The following ZNF543 variants were observed in gnomAD, a reference collection of about 807,000 sequenced individuals.
ZNF543 encodes the protein zinc finger protein 543.
Under a neutral mutation model 13.4 loss-of-function variants are expected in ZNF543, and 10 were observed. The observed-to-expected ratio is 0.75, with a 90% CI of 0.46 to 1.26. The LOEUF (loss-of-function observed/expected upper bound fraction) is 1.26, where lower values mean the gene tolerates loss of function less well. Ranked by LOEUF, ZNF543 falls within the 50% of genes most tolerant of loss-of-function variation. The pLI is 0.00. For missense variants in ZNF543, 768 were observed against 741.2 expected (o/e 1.04, Z -0.42); for synonymous variants, 272 against 264.7 (o/e 1.03, Z -0.27).
intron 2 of ZNF543, among the ~76,000 whole-genome samples, chr19:57,324,699 A>G (rs1312690339): frequency 1.3e-5 from 2 of 152,206 alleles, no homozygotes; most frequent in African/African-American, 2.4e-5. Context: ...CTTCATCTAT[A>G]ATGTGGTCCT....
chr19:57,323,570 T>G, intron 1 of ZNF543, 112 bp from the exon 2 acceptor site: 2 of 1,321,658 alleles, frequency 1.5e-6, no homozygotes, highest in Non-Finnish European at 1.1e-6. Flanking sequence ...TAGAGATGCT[T>G]GGTGATTTGA....
intron 1 of ZNF543, among the ~76,000 whole-genome samples, chr19:57,322,829 G>C (rs2088097982): frequency 6.6e-6 from 1 of 152,124 alleles, no homozygotes; most frequent in Non-Finnish European, 1.5e-5. Flanking sequence ...CTGTTGTGTT[G>C]ACCTGGACAT....
chr19:57,323,532 C>G (rs2088102798), intron 1 of ZNF543, 150 bp from the exon 2 acceptor site: 1 of 1,050,162 alleles, frequency 9.5e-7, no homozygotes, highest in Non-Finnish European at 1.4e-6. Flanking sequence ...CCACATTCCC[C>G]TCATGCCTGG....
chr19:57,326,502 C>A, intron 2 of ZNF543, 131 bp from the exon 3 acceptor site: 1 of 659,508 alleles, frequency 1.5e-6, no homozygotes, highest in South Asian at 2.0e-5. Context: ...GGTCACGGTT[C>A]AACGTTTTCT....
Position 57,328,742 on chromosome 19 carries a change from A to C in ZNF543, c.1280A>C (p.Glu427Ala). 1 of 1,613,834 alleles carries C rather than the reference A, an allele frequency of 6.2e-7. No homozygotes were observed. Among genetic ancestry groups the C allele is most frequent in the Non-Finnish European group, 8.5e-7 (1 of 1,179,912 alleles). The change falls in exon 4 of 4, where the codon GAA (glutamate) becomes GCA (alanine). Residue 427 changes from glutamate (E) to alanine (A), a missense_variant. Glu to Ala is a moderately radical substitution (Grantham distance 107). Coordinates refer to ENST00000321545, the MANE Select transcript of ZNF543 (RefSeq NM_213598.4). ...HTGEKPYECSECGKAFTHCST... is the reference protein window; with the variant it reads ...HTGEKPYECSACGKAFTHCST... Reference sequence around the variant, plus strand: ...GGGGAGAAGCCTTATGAATGCAGTGAATGTGGAAAGGCCTTCACCCACTGC... The same window carrying C: ...GGGGAGAAGCCTTATGAATGCAGTGCATGTGGAAAGGCCTTCACCCACTGC...
chr19:57,323,193 ATT>A (rs371613138), intron 1 of ZNF543, among the ~76,000 whole-genome samples: 4 of 135,746 alleles, frequency 2.9e-5, no homozygotes, highest in Admixed American at 1.5e-4. Context: ...CACTGCTGTA[ATT>A]TTTTTTTTTT....
chr19:57,321,765 C>T (rs1336108547), intron 1 of ZNF543, among the ~76,000 whole-genome samples: 2 of 152,138 alleles, frequency 1.3e-5, no homozygotes. Flanking sequence ...CTCTTCTTTG[C>T]CCGCAATGGT....
chr19:57,326,604 C>T (rs765871454), intron 2 of ZNF543, 29 bp from the exon 3 acceptor site: 1 of 1,575,652 alleles, frequency 6.3e-7, no homozygotes, highest in South Asian at 1.1e-5. Context: ...ACCTAACTCC[C>T]TGTGTCCTCT....
In ZNF543 at chr19:57,328,772, C is replaced by T. The variant is rs759467606; in HGVS notation, c.1310C>T (p.Thr437Ile). The T allele has an allele frequency of 2.5e-6, 4 of 1,613,984 alleles. No individual in the cohort carries two copies. In the South Asian group the frequency reaches 3.3e-5, roughly 13 times the overall value. ...ECGKAFTHCSTFVLHKRTHTG... is the reference protein window; with the variant it reads ...ECGKAFTHCSIFVLHKRTHTG... ...GGAAAGGCCTTCACCCACTGCTCCA[C>T]TTTTGTCTTGCATAAAAGGACCCAC... is the stretch of plus-strand genomic sequence containing the variant. The change falls in exon 4 of 4, where the codon ACT becomes ATT. Residue 437 changes from threonine to isoleucine, a missense_variant. Physicochemically the swap from Thr to Ile is moderately conservative, Grantham distance 89. Around this residue, in one of 3 missense-constraint regions of ZNF543, gnomAD observed 677 missense variants for 631.4 expected, o/e 1.07. Coordinates refer to ENST00000321545, the MANE Select transcript of ZNF543 (RefSeq NM_213598.4).
At position 57,328,979 on chromosome 19, in the gene ZNF543, C is replaced by G; in HGVS notation, c.1517C>G (p.Pro506Arg). The stretch of plus-strand genomic sequence containing the variant: ...CAACAGATTCACACTGGAGAGAAAC[C>G]CTATGAATGCATCCAGTGTGGGAAA... ...RHQQIHTGEK[P>R]YECIQCGKAF... The change falls in exon 4 of 4, where the codon CCC (proline) becomes CGC (arginine). Residue 506 changes from proline (P) to arginine (R), a missense_variant. Physicochemically the swap from Pro to Arg is moderately radical, Grantham distance 103. Transcript: ENST00000321545. The G allele has an allele frequency of 6.2e-7, 1 of 1,614,216 alleles. No individual in the cohort carries two copies.
intron 3 of ZNF543, 39 bp from the exon 4 acceptor site, chr19:57,327,665 A>G (rs2088130872): frequency 1.3e-6 from 2 of 1,548,528 alleles, no homozygotes; most frequent in African/African-American, 1.4e-5. Flanking sequence ...CTATAATGCC[A>G]TCTCTAATAA....
intron 1 of ZNF543, chr19:57,323,471 C>T (rs772349323): frequency 1.9e-6 from 1 of 535,882 alleles, no homozygotes; most frequent in Non-Finnish European, 3.5e-6. Context: ...GGATTACAGG[C>T]GTGAGCCACC....
At position 57,323,797 on chromosome 19, in the gene ZNF543, T is replaced by C; in HGVS notation, c.134T>C (p.Leu45Pro). The change falls in exon 2 of 4, where the codon CTC becomes CCC. Residue 45 changes from leucine to proline, a missense_variant. Around this residue, in one of 3 missense-constraint regions of ZNF543, gnomAD observed 77 missense variants for 75.5 expected, o/e 1.02. Transcript: ENST00000321545. ...GTGATGCTGGAGACCTGCGGACTTC[T>C]CATGTCTCTGGGTAAGGCCCCTTCT... ...QEVMLETCGLLMSLGCPLFKP... is the reference protein window; with the variant it reads ...QEVMLETCGLPMSLGCPLFKP... 6.2e-7 allele frequency: 1 copy of C among 1,612,756 alleles called. No individual in the cohort carries two copies. Among genetic ancestry groups the C allele is most frequent in the Non-Finnish European group, 8.5e-7 (1 of 1,179,106 alleles).
chr19:57,325,516 G>A (rs752364045), intron 2 of ZNF543, among the ~76,000 whole-genome samples: 15 of 152,076 alleles, frequency 9.9e-5, no homozygotes, highest in Non-Finnish European at 2.1e-4. Flanking sequence ...CTCCTGGGTT[G>A]GTGGGTGTCA....
rs1183438098 is a variant in ZNF543 at position 57,320,839 on chromosome 19, C to T, written c.-15C>T. 3 of 1,613,882 alleles carry T rather than the reference C, an allele frequency of 1.9e-6. No homozygotes were observed. The highest frequency in any genetic ancestry group is 2.2e-5 in the East Asian group (1 of 44,860). ...GCGGCATTCCCGGGCCCCGCTAGGG[C>T]TGCAGGGTCTCAGGATGGCAGCCTC... is the stretch of plus-strand genomic sequence containing the variant. On this transcript the variant is annotated 5_prime_UTR_variant, in exon 1 of 4. Transcript: ENST00000321545.
rs1389872273 is a variant in ZNF543, at chr19:57,328,213, G to A, written c.751G>A (p.Gly251Arg). 3.7e-6 allele frequency: 6 copies of A among 1,613,130 alleles called. No homozygotes were observed. Among genetic ancestry groups the A allele is most frequent in the Non-Finnish European group, 4.2e-6 (5 of 1,179,264 alleles). ...TCTTCAGCACCTCATCATCCACACT[G>A]GGGAGAAGCCCTATAAGTGCATGGA... ...HLLQHLIIHTGEKPYKCMECG... is the reference protein window; with the variant it reads ...HLLQHLIIHTREKPYKCMECG... The change falls in exon 4 of 4, where the codon GGG becomes AGG. Residue 251 changes from glycine (G) to arginine (R), a missense_variant. This residue lies in a region of ZNF543 where 677 missense variants were observed against 631.4 expected (regional missense o/e 1.07). Transcript: ENST00000321545.
rs781695335 is a variant in ZNF543 at position 57,327,690 on chromosome 19, T to C, written c.242-14T>C. ...ATCTCTAATAAGCCTTTTTGTGTATTGTGTTCGTTCCAGGTGACAACACAA... is the reference window on the plus strand; with the variant it reads ...ATCTCTAATAAGCCTTTTTGTGTATCGTGTTCGTTCCAGGTGACAACACAA... On this transcript the variant is annotated splice_polypyrimidine_tract_variant and intron_variant, in intron 3 of 3. Transcript: ENST00000321545. 6.3e-7 allele frequency: 1 copy of C among 1,584,052 alleles called. No homozygotes were observed. Among genetic ancestry groups the C allele is most frequent in the South Asian group, 1.2e-5 (1 of 85,532 alleles).
rs2088138055 is a variant in ZNF543 at position 57,328,377 on chromosome 19, C to T, written c.915C>T (p.His305=). The T allele has an allele frequency of 1.9e-6, 3 of 1,613,822 alleles. No individual in the cohort carries two copies. The East Asian group carries it at 6.7e-5, about 36-fold the overall frequency. ...RSTFVLHHRS[H]TGEKPFVCKE... is the part of the protein sequence containing the mutation. ...CTTTTGTCTTGCATCACAGGAGCCA[C>T]ACTGGAGAAAAACCCTTTGTGTGCA... Residue 305 remains histidine (H), a synonymous_variant, in exon 4 of 4, where the codon CAC becomes CAT. Transcript: ENST00000321545.
In ZNF543 at chr19:57,328,452, C is replaced by T; in HGVS notation, c.990C>T (p.Tyr330=). 1 of 1,614,154 alleles carries T rather than the reference C, an allele frequency of 6.2e-7. No homozygotes were observed. The highest frequency in any genetic ancestry group is 8.5e-7 in the Non-Finnish European group (1 of 1,180,026). Reference sequence around the variant, plus strand: ...ATAGGCCAGGTTTCATTCGACACTACATCATCCACACGGGAGAGAAGCCCT... The same window carrying T: ...ATAGGCCAGGTTTCATTCGACACTATATCATCCACACGGGAGAGAAGCCCT... ...FRDRPGFIRH[Y]IIHTGEKPYE... is the part of the protein sequence containing the mutation. The change falls in exon 4 of 4, where the codon TAC becomes TAT. Residue 330 remains tyrosine (Y), a synonymous_variant. Transcript: ENST00000321545.
Sources: allele counts gnomAD v4.1 joint callset (sites outside exome capture counted in the v4.1 genomes callset), GRCh38; gene constraint gnomAD v4.1.1; regional missense constraint gnomAD v4.1.1; transcripts MANE v1.5; gene names NCBI Gene and HGNC (gene_info 2026-07-23, HGNC 2026-07-21).